Variants in RBMS3 observed in about 807,000 individuals in gnomAD.
RBMS3 encodes the protein RNA-binding motif, single-stranded-interacting protein 3.
Under a neutral mutation model 66.8 loss-of-function variants are expected in RBMS3, and 27 were observed. That is an observed-to-expected ratio of 0.40 (90% CI 0.30 to 0.56). The LOEUF (loss-of-function observed/expected upper bound fraction) is 0.56, where lower values mean the gene tolerates loss of function less well. Ranked by LOEUF, RBMS3 falls within the 20% of genes least tolerant of loss-of-function variation. The pLI is 0.40. For missense variants in RBMS3, 513 were observed against 549.5 expected (o/e 0.93, Z 0.66); for synonymous variants, 188 against 183.0 (o/e 1.03, Z -0.22).
intron 7 of RBMS3, 39 bp from the exon 8 acceptor site, chr3:29,884,123 G>A (rs376864404): frequency 4.3e-5 from 68 of 1,572,198 alleles, no homozygotes; most frequent in Middle Eastern, 3.4e-4. Context: ...CAATAAAAAC[G>A]TTAAGATTTG....
chr3:29,412,590 G>A (rs1461306937), intron 1 of RBMS3, among the ~76,000 whole-genome samples: 1 of 152,094 alleles, frequency 6.6e-6, no homozygotes, highest in Non-Finnish European at 1.5e-5. Context: ...GACTTTTATG[G>A]TAAAATTCAC....
intron 6 of RBMS3, among the ~76,000 whole-genome samples, chr3:29,857,120 C>T (rs1174964128): frequency 6.6e-6 from 1 of 152,182 alleles, no homozygotes; most frequent in Admixed American, 6.5e-5. Context: ...AGAGCTTTCA[C>T]TTTGAAACCA....
chr3:29,513,180 A>G (rs1401638599), intron 3 of RBMS3, among the ~76,000 whole-genome samples: 2 of 152,178 alleles, frequency 1.3e-5, no homozygotes, highest in Non-Finnish European at 2.9e-5. Context: ...GAACCTTAGA[A>G]AGGTGTTAGT....
intron 4 of RBMS3, among the ~76,000 whole-genome samples, chr3:29,617,985 C>A (rs115096581): frequency 3.9e-5 from 6 of 152,014 alleles, no homozygotes. Context: ...TACATGCTAC[C>A]TTTTTAGATA....
chr3:29,561,158 A>G (rs539622517), intron 3 of RBMS3, among the ~76,000 whole-genome samples: 9 of 152,226 alleles, frequency 5.9e-5, no homozygotes, highest in African/African-American at 2.2e-4. Context: ...ATTTAGGTTG[A>G]TTCCATGTCT....
intron 7 of RBMS3, 63 bp downstream of exon 7, chr3:29,869,027 A>G: frequency 2.2e-6 from 3 of 1,349,326 alleles, no homozygotes; most frequent in African/African-American, 2.9e-5. Context: ...AGAAGGTGGC[A>G]AGGCAGACGT....
chr3:29,445,863 C>T (rs148503786), intron 2 of RBMS3, among the ~76,000 whole-genome samples: 15 of 152,156 alleles, frequency 9.9e-5, no homozygotes, highest in East Asian at 5.8e-4. Flanking sequence ...TTGTTTTACA[C>T]GGTAAATATG....
chr3:29,450,228 A>G (rs1215152458), intron 2 of RBMS3, among the ~76,000 whole-genome samples: 1 of 152,164 alleles, frequency 6.6e-6, no homozygotes, highest in Non-Finnish European at 1.5e-5. Flanking sequence ...GGGTCAGGGA[A>G]AATGTGAGCA....
At chr3:29,679,285 C>G (rs1293705768) in intron 4 of RBMS3, among the ~76,000 whole-genome samples, 11 of 152,140 alleles carry the variant, frequency 7.2e-5, no homozygotes, top group Non-Finnish European at 2.9e-5. Flanking sequence ...AACATATACC[C>G]ATGTGCAAAC....
chr3:29,525,551 G>C (rs908909636), intron 3 of RBMS3, among the ~76,000 whole-genome samples: 2 of 152,230 alleles, frequency 1.3e-5, no homozygotes, highest in East Asian at 3.8e-4. Context: ...ATGCAACTCA[G>C]ATGCCAGTTC....
Position 29,967,387 on chromosome 3 carries a change from C to T in RBMS3, c.1099-20756C>T, listed in dbSNP as rs187106475. ...CTGGCCTCACTGCAACCTCTGCCTCCCGAGTTCAAGTGCTTCTCCTGCCTC... is the reference window on the plus strand; with the variant it reads ...CTGGCCTCACTGCAACCTCTGCCTCTCGAGTTCAAGTGCTTCTCCTGCCTC... On this transcript the variant is annotated intron_variant, in intron 12 of 14. Coordinates refer to ENST00000383767, the MANE Select transcript of RBMS3 (RefSeq NM_001003793.3). Among the ~76,000 whole-genome samples, 309 of 152,244 alleles carry T rather than the reference C, an allele frequency of 2.0e-3. 2 individuals carry two copies. Among genetic ancestry groups the T allele is most frequent in the African/African-American group, 7.2e-3 (301 of 41,554 alleles).
intron 5 of RBMS3, among the ~76,000 whole-genome samples, chr3:29,760,398 C>A (rs2055626169): frequency 6.6e-6 from 1 of 151,954 alleles, no homozygotes; most frequent in Non-Finnish European, 1.5e-5. Flanking sequence ...TTCTTAACTG[C>A]CTTTTATCCA....
At chr3:29,842,788 T>G (rs759997746) in intron 6 of RBMS3, among the ~76,000 whole-genome samples, 9 of 152,158 alleles carry the variant, frequency 5.9e-5, no homozygotes, top group Non-Finnish European at 1.0e-4. Context: ...GTAGATGTGA[T>G]GATGAAAAGA....
intron 1 of RBMS3, among the ~76,000 whole-genome samples, chr3:29,300,293 C>T (rs548006168): frequency 5.3e-5 from 8 of 151,918 alleles, no homozygotes; most frequent in African/African-American, 9.6e-5. Flanking sequence ...CATACATGCC[C>T]GGTTATATAG....
chr3:29,561,652 C>T lies in RBMS3; in HGVS notation c.308-25462C>T, dbSNP rs546734907. 1.6e-4 allele frequency among the ~76,000 whole-genome samples: 25 copies of T among 152,234 alleles called. 1 individual carries two copies. Among genetic ancestry groups the T allele is most frequent in the African/African-American group, 6.0e-4 (25 of 41,546 alleles). ...ATTTTTAGTAGAGATGGGGTTTCACCGTGTTGGTCAGGCTGGTCTCAAACT... is the reference window on the plus strand; with the variant it reads ...ATTTTTAGTAGAGATGGGGTTTCACTGTGTTGGTCAGGCTGGTCTCAAACT... On this transcript the variant is annotated intron_variant, in intron 3 of 14. Transcript: ENST00000383767.
intron 6 of RBMS3, among the ~76,000 whole-genome samples, chr3:29,817,205 T>TTTTTTTTTTTTGG (rs1450154696): frequency 3.3e-5 from 5 of 149,316 alleles, no homozygotes; most frequent in African/African-American, 4.9e-5. Context: ...TTTTTTTTTT[T>TTTTTTTTTTTTGG]GAGGCAAAGT....
At chr3:29,786,951 T>C (rs2056841766) in intron 6 of RBMS3, among the ~76,000 whole-genome samples, 1 of 152,056 alleles carries the variant, frequency 6.6e-6, no homozygotes, top group African/African-American at 2.4e-5. Flanking sequence ...AAAGGACTAA[T>C]ATCCAGAATC....
At chr3:29,739,472 A>AAG (rs1559623016) in intron 4 of RBMS3, among the ~76,000 whole-genome samples, 1 of 151,594 alleles carries the variant, frequency 6.6e-6, no homozygotes, top group Non-Finnish European at 1.5e-5. Flanking sequence ...AAAAAAAAAA[A>AAG]AAAAGAAAAG....
intron 3 of RBMS3, among the ~76,000 whole-genome samples, chr3:29,489,788 TA>T (rs1334525023): frequency 1.4e-5 from 2 of 147,202 alleles, no homozygotes; most frequent in African/African-American, 5.0e-5. Context: ...CTCACGCCTA[TA>T]ATCCCAGCAC....
Sources: allele counts gnomAD v4.1 joint callset (sites outside exome capture counted in the v4.1 genomes callset), GRCh38; gene constraint gnomAD v4.1.1; transcripts MANE v1.5; gene names NCBI Gene and HGNC (gene_info 2026-07-23, HGNC 2026-07-21).